The following UGGT1 variants were observed in gnomAD, a reference collection of about 807,000 sequenced individuals.
UGGT1 encodes the protein UDP-glucose:glycoprotein glucosyltransferase 1.
A neutral mutation model predicts 203.9 loss-of-function variants in UGGT1; 107 were observed. That is an observed-to-expected ratio of 0.52 (90% CI 0.45 to 0.62). The LOEUF is 0.62. UGGT1 is among the 20% of genes least tolerant of loss of function. The pLI is 0.00. For missense variants in UGGT1, 1,673 were observed against 1,867.2 expected (o/e 0.90, Z 1.92); for synonymous variants, 628 against 653.5 (o/e 0.96, Z 0.59).
intron 35 of UGGT1, 150 bp from the exon 36 acceptor site, chr2:128,180,740 T>A: frequency 1.4e-6 from 1 of 698,058 alleles, no homozygotes; most frequent in Non-Finnish European, 2.3e-6. Flanking sequence ...TTCTATGTAG[T>A]CATGAGTGGG....
At chr2:128,141,872 C>G (rs1689446722) in intron 16 of UGGT1, among the ~76,000 whole-genome samples, 1 of 151,702 alleles carries the variant, frequency 6.6e-6, no homozygotes, top group Non-Finnish European at 1.5e-5. Context: ...TATCTCTCCC[C>G]TCTCCCTTTC....
intron 40 of UGGT1, 38 bp from the exon 41 acceptor site, chr2:128,189,679 T>A (rs1692159119): frequency 6.2e-7 from 1 of 1,601,184 alleles, no homozygotes; most frequent in Non-Finnish European, 8.5e-7. Context: ...AATTTGAAGA[T>A]CATCTGTTTT....
chr2:128,183,424 T>C (rs1399342090), intron 37 of UGGT1, among the ~76,000 whole-genome samples: 1 of 152,268 alleles, frequency 6.6e-6, no homozygotes, highest in Non-Finnish European at 1.5e-5. Flanking sequence ...GCTAGAAATC[T>C]TTGGTCTGAG....
At chr2:128,108,566 TAAG>T (rs1433888506) in intron 4 of UGGT1, among the ~76,000 whole-genome samples, 1 of 99,848 alleles carries the variant, frequency 1.0e-5, no homozygotes, top group Non-Finnish European at 2.2e-5. Flanking sequence ...AAGAGAGACT[TAAG>T]AAGAGACAGT....
intron 8 of UGGT1, among the ~76,000 whole-genome samples, chr2:128,117,381 C>T (rs1688157085): frequency 6.6e-6 from 1 of 151,984 alleles, no homozygotes; most frequent in Non-Finnish European, 1.5e-5. Flanking sequence ...TGAGCCATGG[C>T]CCCCAGCTCA....
chr2:128,178,134 C>T (rs780143474), intron 33 of UGGT1, among the ~76,000 whole-genome samples: 5 of 152,198 alleles, frequency 3.3e-5, no homozygotes, highest in Non-Finnish European at 5.9e-5. Context: ...TACTTCTGCT[C>T]CATACTTTGT....
intron 6 of UGGT1, among the ~76,000 whole-genome samples, chr2:128,114,365 G>A (rs1413356371): frequency 6.6e-6 from 1 of 152,094 alleles, no homozygotes; most frequent in African/African-American, 2.4e-5. Context: ...TGATCTGACC[G>A]CCTCAGCCTC....
intron 4 of UGGT1, among the ~76,000 whole-genome samples, chr2:128,109,320 C>T (rs912315113): frequency 6.6e-6 from 1 of 152,206 alleles, no homozygotes; most frequent in Non-Finnish European, 1.5e-5. Flanking sequence ...CCTCCTACCT[C>T]AGCCTCCTTA....
intron 2 of UGGT1, among the ~76,000 whole-genome samples, chr2:128,101,239 G>T (rs1446835183): frequency 2.6e-5 from 4 of 152,198 alleles, no homozygotes; most frequent in Non-Finnish European, 4.4e-5. Context: ...AGACCCTGAT[G>T]TTGGATCAAG....
In UGGT1 at chr2:128,133,277, G is replaced by A. The variant is rs1196424432; in HGVS notation, c.1497+17G>A. 2.5e-6 allele frequency: 4 copies of A among 1,605,174 alleles called. No homozygotes were observed. Among genetic ancestry groups the A allele is most frequent in the Non-Finnish European group, 3.4e-6 (4 of 1,177,208 alleles). On this transcript the variant is annotated intron_variant, in intron 14 of 40. Transcript: ENST00000259253. ...CATAATATGGTAAGTAAAACTTATT[G>A]TCTGGCTGTGAACTCTGTTTCTCCC... is the stretch of plus-strand genomic sequence containing the variant.
intron 2 of UGGT1, among the ~76,000 whole-genome samples, chr2:128,102,024 T>C (rs1687396680): frequency 6.6e-6 from 1 of 152,200 alleles, no homozygotes; most frequent in African/African-American, 2.4e-5. Context: ...TCTGTACCCA[T>C]CATCCTGTTT....
At chr2:128,101,470 A>C (rs1159994897) in intron 2 of UGGT1, among the ~76,000 whole-genome samples, 1 of 152,208 alleles carries the variant, frequency 6.6e-6, no homozygotes, top group Non-Finnish European at 1.5e-5. Flanking sequence ...AAAACACTAA[A>C]TATGTTTTCT....
Position 128,189,975 on chromosome 2 carries a change from G to T in UGGT1, c.*233G>T. 1 of 479,792 alleles carries T rather than the reference G, an allele frequency of 2.1e-6. No homozygotes were observed. Among genetic ancestry groups the T allele is most frequent in the East Asian group, 3.1e-5 (1 of 32,086 alleles). 29.7% of individuals were successfully genotyped at this position (479,792 alleles called of 1,614,324 possible). A position where few individuals can be genotyped will look rare whatever the true frequency, so the allele number is the denominator to read the frequency against. ...GGAAGACCAAGTGGCTGATCCTTTG[G>T]ACTCTGTAAAGAGCATTCTTCTAGT... On this transcript the variant is annotated 3_prime_UTR_variant, in exon 41 of 41. Transcript: ENST00000259253.
intron 16 of UGGT1, among the ~76,000 whole-genome samples, chr2:128,141,804 C>CG (rs1215288800): frequency 2.7e-5 from 4 of 150,616 alleles, no homozygotes; most frequent in African/African-American, 9.8e-5. Context: ...AGTGGAAACT[C>CG]CATCTCAAAA....
In UGGT1 at chr2:128,091,418, A is replaced by C. The variant is rs1037481235; in HGVS notation, c.58+3A>C. 1 of 1,580,812 alleles carries C rather than the reference A, an allele frequency of 6.3e-7. No homozygotes were observed. Among genetic ancestry groups the C allele is most frequent in the South Asian group, 1.2e-5 (1 of 86,418 alleles). ...CGCGGGTGCGCTGCCGGTGACAGGTACCCAGGGGTGGCGTGAGGAGGCCTC... is the reference window on the plus strand; with the variant it reads ...CGCGGGTGCGCTGCCGGTGACAGGTCCCCAGGGGTGGCGTGAGGAGGCCTC... On this transcript the variant is annotated splice_donor_region_variant and intron_variant, in intron 1 of 40. Transcript: ENST00000259253.
chr2:128,173,716 A>G, intron 29 of UGGT1, 65 bp from the exon 30 acceptor site: 1 of 1,562,294 alleles, frequency 6.4e-7, no homozygotes, highest in South Asian at 1.1e-5. Context: ...TACTTTGCAT[A>G]ATGCATTTCA....
At chr2:128,165,405 A>G (rs779007419) in intron 26 of UGGT1, among the ~76,000 whole-genome samples, 3 of 152,298 alleles carry the variant, frequency 2.0e-5, no homozygotes, top group Non-Finnish European at 2.9e-5. Flanking sequence ...CAAAAAAATT[A>G]AACAGAGATT....
intron 9 of UGGT1, 88 bp from the exon 10 acceptor site, chr2:128,121,111 A>G: frequency 1.6e-6 from 2 of 1,241,034 alleles, no homozygotes; most frequent in Non-Finnish European, 1.2e-6. Context: ...ATTACCATGA[A>G]AAGAGTGGGA....
At chr2:128,115,262 T>C (rs1437487217) in intron 7 of UGGT1, 42 bp downstream of exon 7, 11 of 1,540,388 alleles carry the variant, frequency 7.1e-6, no homozygotes, top group African/African-American at 1.4e-5. Flanking sequence ...TCTTCAAATA[T>C]GAGTTAAAGG....
Sources: gnomAD v4.1 joint callset for allele counts (sites outside exome capture counted in the v4.1 genomes callset) on GRCh38, gnomAD v4.1.1 for gene constraint, MANE v1.5 for transcripts, NCBI Gene and HGNC (gene_info 2026-07-23, HGNC 2026-07-21) for gene names.